The following FIGN variants were observed in gnomAD, a reference collection of about 807,000 sequenced individuals.
FIGN encodes the protein fidgetin, microtubule severing factor.
Under a neutral mutation model 51.3 loss-of-function variants are expected in FIGN, and 11 were observed. That is an observed-to-expected ratio of 0.21 (90% CI 0.13 to 0.35). The LOEUF (loss-of-function observed/expected upper bound fraction) is 0.35. Among genes scored for constraint, FIGN ranks in the 10% least tolerant of loss-of-function variants. FIGN has a pLI of 1.00. For missense variants in FIGN, 857 were observed against 943.6 expected (o/e 0.91, Z 1.20); for synonymous variants, 407 against 363.2 (o/e 1.12, Z -1.37).
chr2:163,689,687 T>G (rs55987664), intron 2 of FIGN, among the ~76,000 whole-genome samples: 45,057 of 151,962 alleles, frequency 0.3, 6,841 homozygotes, highest in East Asian at 0.45. Flanking sequence ...TTTGATGGGT[T>G]GCTTCAAAAG....
chr2:163,634,281 CAA>C (rs1252155441), intron 2 of FIGN, among the ~76,000 whole-genome samples: 1 of 151,930 alleles, frequency 6.6e-6, no homozygotes, highest in Admixed American at 6.6e-5. Context: ...TTTTTCATGC[CAA>C]GTCTTCATTT....
At chr2:163,705,536 A>G (rs560779382) in intron 2 of FIGN, among the ~76,000 whole-genome samples, 38 of 152,230 alleles carry the variant, frequency 2.5e-4, no homozygotes, top group African/African-American at 8.7e-4. Context: ...GTTACAGGTC[A>G]CTTTATATAA....
At chr2:163,701,280 G>T (rs943306228) in intron 2 of FIGN, among the ~76,000 whole-genome samples, 2 of 152,146 alleles carry the variant, frequency 1.3e-5, no homozygotes, top group African/African-American at 2.4e-5. Context: ...GAGAAGCAAG[G>T]AAAGTAATGG....
At position 163,610,035 on chromosome 2, in the gene FIGN, A is replaced by G. The variant is rs1691201618; in HGVS notation, c.1797T>C (p.His599=). ...CGGTTCTCATCCGACTGACTGGACT[A>G]TGTTCCTCATTCACTTGAGAGGAGA... ...MLLSSQVNEE[H]SPVSRMRTEF... is the part of the protein sequence containing the mutation. Residue 599 remains histidine (H), a synonymous_variant, in exon 3 of 3, where the codon CAT becomes CAC. Transcript: ENST00000333129. The G allele has an allele frequency of 6.2e-7, 1 of 1,614,152 alleles. No individual in the cohort carries two copies. The highest frequency in any genetic ancestry group is 8.5e-7 in the Non-Finnish European group (1 of 1,180,002).
chr2:163,714,330 T>C (rs1684635764), intron 2 of FIGN, among the ~76,000 whole-genome samples: 1 of 152,162 alleles, frequency 6.6e-6, no homozygotes, highest in African/African-American at 2.4e-5. Context: ...AATTTTGCCA[T>C]GTGTACAAGT....
intron 2 of FIGN, among the ~76,000 whole-genome samples, chr2:163,620,055 A>C (rs907163903): frequency 6.6e-6 from 1 of 152,180 alleles, no homozygotes; most frequent in Non-Finnish European, 1.5e-5. Context: ...GTGTACATGC[A>C]ATTTAAAATA....
intron 2 of FIGN, among the ~76,000 whole-genome samples, chr2:163,660,742 T>C: frequency 9.0e-6 from 1 of 111,074 alleles, no homozygotes; most frequent in East Asian, 2.4e-4. Flanking sequence ...CATATACATA[T>C]ATATGTATAC....
rs1685007017 is a variant in FIGN at position 163,735,865 on chromosome 2, G to A, written c.-173C>T. On this transcript the variant is annotated 5_prime_UTR_variant, in exon 1 of 3. Coordinates refer to ENST00000333129, the MANE Select transcript of FIGN (RefSeq NM_018086.4). The stretch of plus-strand genomic sequence containing the variant: ...GAACGCGCGGAGAGAGAACCCGATA[G>A]GTTAGCGTAGCATCGATCCGATGTG... 2 of 152,808 alleles carry A rather than the reference G, an allele frequency of 1.3e-5. No individual in the cohort carries two copies. The highest frequency in any genetic ancestry group is 2.4e-5 in the African/African-American group (1 of 41,590). The allele number at this position is 152,808 out of a possible 1,614,324, so 9.5% of individuals were successfully genotyped here.
chr2:163,729,458 A>C (rs1684892034), intron 2 of FIGN, among the ~76,000 whole-genome samples: 1 of 152,072 alleles, frequency 6.6e-6, no homozygotes, highest in Admixed American at 6.6e-5. Flanking sequence ...CTATAGTATA[A>C]AAAACTTTAC....
chr2:163,694,632 A>C (rs992173133), intron 2 of FIGN, among the ~76,000 whole-genome samples: 7 of 152,212 alleles, frequency 4.6e-5, no homozygotes, highest in African/African-American at 1.7e-4. Flanking sequence ...CCAGGAAAGT[A>C]AAGTCACTGG....
chr2:163,655,804 C>CACACACAG (rs374458554), intron 2 of FIGN, among the ~76,000 whole-genome samples: 1 of 145,780 alleles, frequency 6.9e-6, no homozygotes, highest in African/African-American at 2.5e-5. Flanking sequence ...CACACACACA[C>CACACACAG]AGAGAGAGAG....
At chr2:163,700,954 C>T (rs1440628522) in intron 2 of FIGN, among the ~76,000 whole-genome samples, 1 of 152,098 alleles carries the variant, frequency 6.6e-6, no homozygotes. Context: ...CTGGAACACA[C>T]TAGATGTACA....
chr2:163,665,710 A>G (rs1423156578), intron 2 of FIGN, among the ~76,000 whole-genome samples: 6 of 152,234 alleles, frequency 3.9e-5, no homozygotes, highest in Non-Finnish European at 8.8e-5. Context: ...TGTGCAAACT[A>G]TAGGAGATGA....
chr2:163,663,845 G>A (rs1180465249), intron 2 of FIGN, among the ~76,000 whole-genome samples: 1 of 151,534 alleles, frequency 6.6e-6, no homozygotes, highest in Non-Finnish European at 1.5e-5. Context: ...TCATGCCATT[G>A]CACTCCAGCC....
chr2:163,643,919 C>T (rs1161283887), intron 2 of FIGN, among the ~76,000 whole-genome samples: 5 of 65,922 alleles, frequency 7.6e-5, no homozygotes, highest in East Asian at 3.8e-4. Flanking sequence ...GCAACAAGAG[C>T]GAAACTCTGT....
At chr2:163,643,909 G>A (rs1407041336) in intron 2 of FIGN, among the ~76,000 whole-genome samples, 4 of 98,614 alleles carry the variant, frequency 4.1e-5, no homozygotes, top group African/African-American at 7.6e-5. Context: ...TCCAGGCTGG[G>A]CAACAAGAGC....
chr2:163,620,045 G>A (rs185038710), intron 2 of FIGN, among the ~76,000 whole-genome samples: 21 of 152,238 alleles, frequency 1.4e-4, no homozygotes, highest in Admixed American at 1.2e-3. Flanking sequence ...ATGAGGATGC[G>A]TGTACATGCA....
chr2:163,718,829 GAC>G (rs1355958181), intron 2 of FIGN, among the ~76,000 whole-genome samples: 1 of 138,624 alleles, frequency 7.2e-6, no homozygotes, highest in Non-Finnish European at 1.5e-5. Flanking sequence ...ATATATATAA[GAC>G]AGAGAGAGTG....
At chr2:163,724,046 T>C (rs1684800506) in intron 2 of FIGN, among the ~76,000 whole-genome samples, 2 of 152,150 alleles carry the variant, frequency 1.3e-5, no homozygotes, top group South Asian at 2.1e-4. Flanking sequence ...AAAGCAGTCA[T>C]GGAGTATACA....
Sources: allele counts gnomAD v4.1 joint callset (sites outside exome capture counted in the v4.1 genomes callset), GRCh38; gene constraint gnomAD v4.1.1; transcripts MANE v1.5; gene names NCBI Gene and HGNC (gene_info 2026-07-23, HGNC 2026-07-21).